BCAS3: variants seen among roughly 807,000 people sequenced by gnomAD.
BCAS3 encodes the protein BCAS3 microtubule associated cell migration factor.
Under a neutral mutation model 116.1 loss-of-function variants are expected in BCAS3, and 53 were observed. The observed-to-expected ratio is 0.46, with a 90% CI of 0.37 to 0.57. BCAS3 has a LOEUF of 0.57. BCAS3 is among the 20% of genes least tolerant of loss of function. The pLI is 0.00. For missense variants in BCAS3, 917 were observed against 1,165.4 expected (o/e 0.79, Z 3.10); for synonymous variants, 391 against 408.2 (o/e 0.96, Z 0.51).
intron 22 of BCAS3, among the ~76,000 whole-genome samples, chr17:61,292,362 A>T (rs2052501467): frequency 6.6e-6 from 1 of 152,090 alleles, no homozygotes; most frequent in African/African-American, 2.4e-5. Flanking sequence ...TTTGAAAAGA[A>T]ATGAGGGGCC....
At chr17:60,789,189 A>G (rs2046543545) in intron 6 of BCAS3, among the ~76,000 whole-genome samples, 2 of 152,156 alleles carry the variant, frequency 1.3e-5, no homozygotes, top group South Asian at 4.1e-4. Flanking sequence ...ATCAAAAGAG[A>G]AGAGTTGAGA....
rs964339093 is a variant in BCAS3 at position 61,151,239 on chromosome 17, G to A, written c.2425+66675G>A. ...AGGCAATGTTCATTGGAGGATTTTC[G>A]ATCTTCAGATTAGGGATTCTCAACC... On this transcript the variant is annotated intron_variant, in intron 22 of 23. Coordinates refer to ENST00000407086, the MANE Select transcript of BCAS3 (RefSeq NM_017679.5). This position sits in a 1 kb window ranked among gnomAD's most constrained non-coding sequence, Gnocchi z 4.8. Among the ~76,000 whole-genome samples, 5 of 152,070 alleles carry A rather than the reference G, an allele frequency of 3.3e-5. No homozygotes were observed. The highest frequency in any genetic ancestry group is 2.1e-4 in the South Asian group (1 of 4,826).
At chr17:61,330,415 T>C (rs1403254013) in intron 22 of BCAS3, among the ~76,000 whole-genome samples, 1 of 152,196 alleles carries the variant, frequency 6.6e-6, no homozygotes. Context: ...TGAGCCACCA[T>C]GCCCAGCCAG....
chr17:60,749,626 G>A (rs1422037854), intron 6 of BCAS3, among the ~76,000 whole-genome samples: 1 of 152,046 alleles, frequency 6.6e-6, no homozygotes, highest in African/African-American at 2.4e-5. Flanking sequence ...CTTTTTTTGA[G>A]ATAGTTCCAG....
rs71148394 is a variant in BCAS3, at chr17:61,232,200, GAAAAAA to G, written c.2426-136111_2426-136106del. Among the ~76,000 whole-genome samples the G allele has an allele frequency of 3.2e-3, 234 of 72,490 alleles. 2 individuals carry two copies. The highest frequency in any genetic ancestry group is 0.022 in the South Asian group (36 of 1,606). The allele number at this position is 72,490 out of a possible 152,430, so 47.6% of individuals were successfully genotyped here. ...AGCCTGGGTGACAGTGAAAGACTCC[GAAAAAA>G]AAAAAAAAAAAAAAAGAAAGAGAAA... On this transcript the variant is annotated intron_variant, in intron 22 of 23. Coordinates refer to ENST00000407086, the MANE Select transcript of BCAS3 (RefSeq NM_017679.5).
chr17:60,900,177 GCTGT>G (rs2057787461), intron 10 of BCAS3: 1 of 142,494 alleles, frequency 7.0e-6, no homozygotes, highest in South Asian at 2.1e-4. Context: ...ATAGTGAGAC[GCTGT>G]CTCTTAAAAA....
intron 22 of BCAS3, among the ~76,000 whole-genome samples, chr17:61,358,391 G>A (rs2058271121): frequency 6.6e-6 from 1 of 151,984 alleles, no homozygotes; most frequent in African/African-American, 2.4e-5. Context: ...GTGTTAAAAT[G>A]GCAATGAGCG....
intron 22 of BCAS3, among the ~76,000 whole-genome samples, chr17:61,288,998 G>A (rs146701477): frequency 4.6e-5 from 7 of 152,312 alleles, no homozygotes; most frequent in African/African-American, 1.7e-4. Flanking sequence ...GAAGGGCCGC[G>A]CAGGCCTAAT....
intron 15 of BCAS3, among the ~76,000 whole-genome samples, chr17:60,998,676 G>T (rs909709965): frequency 6.6e-6 from 1 of 151,986 alleles, no homozygotes; most frequent in African/African-American, 2.4e-5. Context: ...TTTTAATGGG[G>T]TCATTTGTTT....
At chr17:61,039,263 C>T (rs896017678) in intron 18 of BCAS3, among the ~76,000 whole-genome samples, 4 of 152,108 alleles carry the variant, frequency 2.6e-5, no homozygotes, top group East Asian at 1.9e-4. Flanking sequence ...CATGTTGTAG[C>T]GTGTGTCAGA....
chr17:61,274,136 T>A (rs12951831), intron 22 of BCAS3, among the ~76,000 whole-genome samples: 7,734 of 150,014 alleles, frequency 0.052, 229 homozygotes, highest in African/African-American at 0.061. Flanking sequence ...CAGTCCCCGG[T>A]GTGTGATGTT....
At chr17:61,158,289 T>A (rs2077976576) in intron 22 of BCAS3, among the ~76,000 whole-genome samples, 1 of 152,214 alleles carries the variant, frequency 6.6e-6, no homozygotes, top group Non-Finnish European at 1.5e-5. Flanking sequence ...CTTGTGCCTT[T>A]ATACCACATT....
chr17:60,702,924 G>A (rs2036601934), intron 4 of BCAS3, among the ~76,000 whole-genome samples: 1 of 152,118 alleles, frequency 6.6e-6, no homozygotes, highest in Admixed American at 6.6e-5. Flanking sequence ...TGTCATTGCA[G>A]TGACACCAGC....
chr17:60,937,242 T>A (rs954178445), intron 13 of BCAS3, among the ~76,000 whole-genome samples: 5 of 151,956 alleles, frequency 3.3e-5, no homozygotes, highest in South Asian at 2.1e-4. Flanking sequence ...GTTTTTTTTT[T>A]ATATATCCTT....
intron 22 of BCAS3, among the ~76,000 whole-genome samples, chr17:61,238,425 G>T (rs1568640920): frequency 6.6e-6 from 1 of 151,904 alleles, no homozygotes; most frequent in South Asian, 2.1e-4. Flanking sequence ...GTTTCACCAC[G>T]TTGGCCAGGC....
chr17:61,275,835 A>G (rs1022813711), intron 22 of BCAS3, among the ~76,000 whole-genome samples: 4 of 152,202 alleles, frequency 2.6e-5, no homozygotes, highest in African/African-American at 9.6e-5. Context: ...GATTGCTGCC[A>G]TCTTCCACCT....
At chr17:60,732,413 G>A (rs552504754) in intron 5 of BCAS3, among the ~76,000 whole-genome samples, 54 of 152,306 alleles carry the variant, frequency 3.5e-4, no homozygotes, top group Middle Eastern at 6.8e-3. Context: ...GGAGGGTGGA[G>A]ACTGGCTTGA....
chr17:61,166,794 G>A (rs2078533756), intron 22 of BCAS3, among the ~76,000 whole-genome samples: 1 of 152,104 alleles, frequency 6.6e-6, no homozygotes, highest in Non-Finnish European at 1.5e-5. Context: ...GATCACTGTG[G>A]CCTTCAATTC....
chr17:60,920,097 AT>A (rs1349492642), intron 12 of BCAS3, among the ~76,000 whole-genome samples: 1 of 152,218 alleles, frequency 6.6e-6, no homozygotes, highest in African/African-American at 2.4e-5. Flanking sequence ...ATGGTAAAAA[AT>A]ATATCACATG....
Sources: allele counts gnomAD v4.1 joint callset (sites outside exome capture counted in the v4.1 genomes callset), GRCh38; gene constraint gnomAD v4.1.1; non-coding constraint Gnocchi (gnomAD v3.1); transcripts MANE v1.5; gene names NCBI Gene and HGNC (gene_info 2026-07-23, HGNC 2026-07-21).